NME7: variants seen among roughly 807,000 people sequenced by gnomAD.
The protein encoded by NME7 is NME/NM23 family member 7.
A neutral mutation model predicts 49.1 loss-of-function variants in NME7; 41 were observed. That is an observed-to-expected ratio of 0.83 (90% CI 0.65 to 1.08). The LOEUF (loss-of-function observed/expected upper bound fraction) is 1.08. Among genes scored for constraint, NME7 ranks in the 50% least tolerant of loss-of-function variants. NME7 has a pLI of 0.00. For synonymous variants in NME7, 139 were observed against 150.6 expected (o/e 0.92, Z 0.56); for missense variants, 423 against 463.4 (o/e 0.91, Z 0.80).
intron 10 of NME7, among the ~76,000 whole-genome samples, chr1:169,190,315 T>G (rs1376579213): frequency 6.6e-6 from 1 of 151,744 alleles, no homozygotes; most frequent in Admixed American, 6.6e-5. Flanking sequence ...GACCACAATA[T>G]ATTTTTTAAT....
At chr1:169,143,273 C>CTTTTTTTTTTTTTTTTTT (rs71299493) in intron 11 of NME7, among the ~76,000 whole-genome samples, 4 of 98,178 alleles carry the variant, frequency 4.1e-5, no homozygotes, top group Non-Finnish European at 6.3e-5. Context: ...TCACCTCAGG[C>CTTTTTTTTTTTTTTTTTT]TTTTTTTTTT....
At chr1:169,195,874 A>T (rs532141977) in intron 10 of NME7, among the ~76,000 whole-genome samples, 1 of 147,456 alleles carries the variant, frequency 6.8e-6, no homozygotes, top group East Asian at 2.2e-4. Context: ...AGTGTGTTCA[A>T]TAGTAAATGG....
intron 1 of NME7, among the ~76,000 whole-genome samples, chr1:169,343,654 G>A (rs1652856893): frequency 6.6e-6 from 1 of 151,950 alleles, no homozygotes; most frequent in Admixed American, 6.6e-5. Context: ...ACCATGCCTG[G>A]CTAATTTTTT....
At chr1:169,137,707 T>G (rs1658472140) in intron 11 of NME7, among the ~76,000 whole-genome samples, 1 of 152,178 alleles carries the variant, frequency 6.6e-6, no homozygotes, top group South Asian at 2.1e-4. Flanking sequence ...TACTTACTTT[T>G]CAGCTCCCAA....
chr1:169,285,321 A>G (rs1339418373), intron 7 of NME7: 1 of 152,094 alleles, frequency 6.6e-6, no homozygotes, highest in African/African-American at 2.4e-5. Flanking sequence ...AGATTTTTGG[A>G]TTAGGGATAC....
chr1:169,334,678 G>A (rs188710171), intron 1 of NME7, among the ~76,000 whole-genome samples: 97 of 152,136 alleles, frequency 6.4e-4, no homozygotes, highest in African/African-American at 2.2e-3. Flanking sequence ...CAAAAAGGCC[G>A]AATGCGATTG....
intron 7 of NME7, chr1:169,247,062 T>C (rs898250736): frequency 2.2e-6 from 1 of 456,234 alleles, no homozygotes. Context: ...TCCTCCTCAC[T>C]GTGAAGAAAG....
At chr1:169,151,873 A>C (rs994353709) in intron 11 of NME7, among the ~76,000 whole-genome samples, 2 of 152,220 alleles carry the variant, frequency 1.3e-5, no homozygotes, top group African/African-American at 4.8e-5. Context: ...CCTGATCTGA[A>C]GCCTGCCTCC....
At chr1:169,278,831 T>A (rs1465424505) in intron 7 of NME7, among the ~76,000 whole-genome samples, 1 of 152,216 alleles carries the variant, frequency 6.6e-6, no homozygotes, top group Non-Finnish European at 1.5e-5. Flanking sequence ...ACTTTTGATC[T>A]TTGATGATGG....
chr1:169,289,725 G>T (rs1198564945), intron 6 of NME7, among the ~76,000 whole-genome samples: 2 of 151,980 alleles, frequency 1.3e-5, no homozygotes, highest in Non-Finnish European at 2.9e-5. Flanking sequence ...CAACTACCCA[G>T]ATTTTCAAGT....
At position 169,260,624 on chromosome 1, in the gene NME7, G is replaced by C. The variant is rs184119403; in HGVS notation, c.755-22937C>G. Among the ~76,000 whole-genome samples the C allele has an allele frequency of 1.2e-3, 153 of 132,314 alleles. 17 individuals are homozygous for C. Among genetic ancestry groups the C allele is most frequent in the African/African-American group, 3.8e-3 (149 of 39,464 alleles). The allele number at this position is 132,314 out of a possible 152,430, so 86.8% of individuals were successfully genotyped here. A position where few individuals can be genotyped will look rare whatever the true frequency, so the allele number is the denominator to read the frequency against. On this transcript the variant is annotated intron_variant, in intron 7 of 11. Transcript: ENST00000367811. ...GAAAAGCAGAACCACAGCATGGTAG[G>C]AGGAAACTCTTGTCTTCCTTTTGTC...
chr1:169,228,909 A>G (rs1272120148), intron 10 of NME7, among the ~76,000 whole-genome samples: 1 of 152,076 alleles, frequency 6.6e-6, no homozygotes, highest in Non-Finnish European at 1.5e-5. Context: ...CTCTATCACA[A>G]CCACATGTGT....
chr1:169,298,322 G>T (rs1650790540), intron 6 of NME7, among the ~76,000 whole-genome samples: 1 of 152,104 alleles, frequency 6.6e-6, no homozygotes, highest in Non-Finnish European at 1.5e-5. Context: ...CAAGAAACAG[G>T]ATGAGAAGTG....
intron 1 of NME7, among the ~76,000 whole-genome samples, chr1:169,357,691 G>T (rs935783742): frequency 6.6e-6 from 1 of 151,970 alleles, no homozygotes. Context: ...TAACATAAAT[G>T]ATAAAACTGT....
At chr1:169,193,983 G>GA (rs147209223) in intron 10 of NME7, among the ~76,000 whole-genome samples, 2,185 of 151,134 alleles carry the variant, frequency 0.014, 48 homozygotes, top group African/African-American at 0.048. Context: ...AAAGAAAAAA[G>GA]AAAAAATGAA....
At chr1:169,218,686 T>C (rs1437971769) in intron 10 of NME7, among the ~76,000 whole-genome samples, 1 of 134,252 alleles carries the variant, frequency 7.4e-6, no homozygotes, top group African/African-American at 2.9e-5. Context: ...TTTTTTTTAG[T>C]AATATAGCCC....
intron 1 of NME7, among the ~76,000 whole-genome samples, chr1:169,364,540 C>G (rs1179696401): frequency 6.6e-6 from 1 of 152,148 alleles, no homozygotes; most frequent in Non-Finnish European, 1.5e-5. Context: ...GCCACCGCAC[C>G]TGACTCGACT....
intron 11 of NME7, among the ~76,000 whole-genome samples, chr1:169,135,594 A>AG (rs1442273449): frequency 6.6e-6 from 1 of 152,106 alleles, no homozygotes; most frequent in Non-Finnish European, 1.5e-5. Flanking sequence ...TTTTTCTTTA[A>AG]GAGGGGGCTA....
intron 10 of NME7, among the ~76,000 whole-genome samples, chr1:169,218,312 A>AC (rs150691009): frequency 0.019 from 2,946 of 152,168 alleles, 47 homozygotes; most frequent in South Asian, 0.039. Flanking sequence ...GAACTACTGG[A>AC]CCAGGTGCAG....
Sources: allele counts gnomAD v4.1 joint callset (sites outside exome capture counted in the v4.1 genomes callset), GRCh38; gene constraint gnomAD v4.1.1; transcripts MANE v1.5; gene names NCBI Gene and HGNC (gene_info 2026-07-23, HGNC 2026-07-21).